The following RBFOX1 variants were observed in gnomAD, a reference collection of about 807,000 sequenced individuals.
The protein encoded by RBFOX1 is RNA binding protein fox-1 homolog 1.
A neutral mutation model predicts 57.7 loss-of-function variants in RBFOX1; 8 were observed. That is an observed-to-expected ratio of 0.14 (90% confidence interval 0.08 to 0.25). The LOEUF is 0.25. Among genes scored for constraint, RBFOX1 ranks in the 10% least tolerant of loss-of-function variants. The pLI is 1.00. For missense variants in RBFOX1, 611 were observed against 548.5 expected, an observed-to-expected ratio of 1.11 and a Z score of -1.14; for synonymous variants, 326 against 222.4, an observed-to-expected ratio of 1.47 and a Z score of -4.15.
intron 4 of RBFOX1, among the ~76,000 whole-genome samples, chr16:7,178,697 G>A (rs2082129384): frequency 6.6e-6 from 1 of 152,106 alleles, no homozygotes; most frequent in Non-Finnish European, 1.5e-5. Context: ...GATGGTAAAA[G>A]TCATTATCAG....
At position 7,160,889 on chromosome 16, in the gene RBFOX1, C is replaced by A. The variant is rs1170211063; in HGVS notation, c.27+108791C>A. Reference sequence around the variant, plus strand: ...TTCTTCGTTCAATCTTGGAAGCTTTCCAATTCAACTCTAACTTCTTCAGCC... The same window carrying A: ...TTCTTCGTTCAATCTTGGAAGCTTTACAATTCAACTCTAACTTCTTCAGCC... On this transcript the variant is annotated intron_variant, in intron 4 of 15. Transcript: ENST00000550418. Among the ~76,000 whole-genome samples, 7 of 150,982 alleles carry A rather than the reference C, an allele frequency of 4.6e-5. No individual in the cohort carries two copies. In the East Asian group the frequency reaches 1.4e-3, roughly 30 times the overall value.
chr16:5,272,612 C>T (rs1031749735), intron 1 of RBFOX1, among the ~76,000 whole-genome samples: 10 of 152,286 alleles, frequency 6.6e-5, no homozygotes, highest in Non-Finnish European at 1.0e-4. Flanking sequence ...CTTTCATTTC[C>T]GGGAGCATAC....
chr16:6,616,343 G>A (rs2098140483), intron 2 of RBFOX1, among the ~76,000 whole-genome samples: 1 of 151,388 alleles, frequency 6.6e-6, no homozygotes, highest in Non-Finnish European at 1.5e-5. Context: ...CCCCAACCGT[G>A]CCCAGTGATA....
chr16:5,608,280 G>T (rs1417900087), intron 3 of RBFOX1, among the ~76,000 whole-genome samples: 2 of 152,196 alleles, frequency 1.3e-5, no homozygotes, highest in African/African-American at 2.4e-5. Context: ...TGTTGCAAGG[G>T]TGTAGGACGG....
At chr16:6,794,638 G>T (rs748488095) in intron 3 of RBFOX1, among the ~76,000 whole-genome samples, 3 of 152,090 alleles carry the variant, frequency 2.0e-5, no homozygotes, top group Non-Finnish European at 4.4e-5. Flanking sequence ...CATGTAAAGC[G>T]GGTGAGAGAA....
chr16:6,551,548 A>T (rs1189539662), intron 2 of RBFOX1, among the ~76,000 whole-genome samples: 2 of 152,212 alleles, frequency 1.3e-5, no homozygotes, highest in Non-Finnish European at 2.9e-5. Context: ...ACACACATTC[A>T]TCAAGTGATA....
chr16:7,478,841 C>T (rs976971083), intron 4 of RBFOX1, among the ~76,000 whole-genome samples: 3 of 152,156 alleles, frequency 2.0e-5, no homozygotes, highest in Admixed American at 6.5e-5. Context: ...AGAAAACCTC[C>T]TTTGCTTGAG....
intron 9 of RBFOX1, among the ~76,000 whole-genome samples, chr16:7,602,109 T>C (rs777159272): frequency 1.3e-5 from 2 of 152,202 alleles, no homozygotes; most frequent in African/African-American, 4.8e-5. Flanking sequence ...AGCAAAGCCT[T>C]AAGAGAAAGC....
At position 7,709,147 on chromosome 16, in the gene RBFOX1, T is replaced by G; in HGVS notation, c.1071+16T>G. 6.3e-7 allele frequency: 1 copy of G among 1,595,522 alleles called. No individual in the cohort carries two copies. Among genetic ancestry groups the G allele is most frequent in the Non-Finnish European group, 8.6e-7 (1 of 1,164,044 alleles). On this transcript the variant is annotated intron_variant, in intron 15 of 15. Transcript: ENST00000550418. ...TGGTGCCATGGTGAGTACAAGTTTC[T>G]CCTTGTCCTCACTTCCTCCTGCCTC...
chr16:7,423,595 A>T (rs1366753151), intron 4 of RBFOX1, among the ~76,000 whole-genome samples: 1 of 152,124 alleles, frequency 6.6e-6, no homozygotes, highest in African/African-American at 2.4e-5. Flanking sequence ...GGAGAGTTTC[A>T]TACTGACTGT....
intron 1 of RBFOX1, among the ~76,000 whole-genome samples, chr16:5,439,792 C>T (rs564814898): frequency 6.6e-6 from 1 of 152,180 alleles, no homozygotes. Flanking sequence ...GGGGAGGCCT[C>T]AGGAAACTTA....
intron 3 of RBFOX1, among the ~76,000 whole-genome samples, chr16:5,787,318 C>T (rs1237538557): frequency 1.3e-5 from 2 of 152,170 alleles, no homozygotes; most frequent in African/African-American, 4.8e-5. Context: ...CTCCAGTGCA[C>T]ACAGAAGAGC....
At chr16:6,302,154 T>C (rs2078894879) in intron 1 of RBFOX1, among the ~76,000 whole-genome samples, 1 of 152,112 alleles carries the variant, frequency 6.6e-6, no homozygotes, top group African/African-American at 2.4e-5. Context: ...GAAGAAAGTA[T>C]TGCCCAAAAC....
chr16:5,664,232 C>T (rs559543653), intron 3 of RBFOX1, among the ~76,000 whole-genome samples: 5 of 152,314 alleles, frequency 3.3e-5, no homozygotes, highest in East Asian at 1.9e-4. Flanking sequence ...AGCTGTGCAA[C>T]GGAGTCAGTT....
intron 3 of RBFOX1, among the ~76,000 whole-genome samples, chr16:6,977,064 A>G (rs545851697): frequency 1.4e-5 from 2 of 140,218 alleles, no homozygotes; most frequent in Admixed American, 7.4e-5. Flanking sequence ...TGTATGAGAT[A>G]TACTTTATCA....
chr16:6,807,912 G>GTATATATATA (rs1272011957), intron 3 of RBFOX1, among the ~76,000 whole-genome samples: 77 of 134,698 alleles, frequency 5.7e-4, no homozygotes, highest in African/African-American at 2.1e-3. Context: ...GTGTGTGTGT[G>GTATATATATA]TGTATATATA....
chr16:5,312,829 C>A (rs115711760), intron 1 of RBFOX1, among the ~76,000 whole-genome samples: 282 of 152,310 alleles, frequency 1.9e-3, no homozygotes, highest in African/African-American at 6.4e-3. Context: ...CAGAGACAAC[C>A]AAAGAATGTC....
chr16:6,608,077 T>A (rs1356326911), intron 2 of RBFOX1, among the ~76,000 whole-genome samples: 2 of 152,198 alleles, frequency 1.3e-5, no homozygotes, highest in Non-Finnish European at 1.5e-5. Context: ...TGAGAGAAAT[T>A]AATGAGACAA....
chr16:6,651,348 C>T (rs17140839), intron 2 of RBFOX1, among the ~76,000 whole-genome samples: 2,317 of 151,264 alleles, frequency 0.015, 67 homozygotes, highest in African/African-American at 0.052. Flanking sequence ...TCTTTAAAGA[C>T]GTCCCATTGA....
Sources: allele counts gnomAD v4.1 joint callset (sites outside exome capture counted in the v4.1 genomes callset), GRCh38; gene constraint gnomAD v4.1.1; transcripts MANE v1.5; gene names NCBI Gene and HGNC (gene_info 2026-07-23, HGNC 2026-07-21).